Variants in PCDHGB6 observed in about 807,000 individuals in gnomAD.
The protein encoded by PCDHGB6 is protocadherin gamma-B6.
Under a neutral mutation model 59.1 loss-of-function variants are expected in PCDHGB6, and 51 were observed. The ratio of observed to expected loss-of-function variants is 0.86; its 90% confidence interval spans 0.69 to 1.09. The LOEUF (loss-of-function observed/expected upper bound fraction) is 1.09. Among genes scored for constraint, PCDHGB6 ranks in the 50% least tolerant of loss-of-function variants. PCDHGB6 has a pLI of 0.00. For synonymous variants in PCDHGB6, 466 were observed against 495.1 expected (o/e 0.94, Z 0.78); for missense variants, 1,148 against 1,205.1 (o/e 0.95, Z 0.70).
At chr5:141,450,835 T>TATTA (rs1438371595) in intron 1 of PCDHGB6, among the ~76,000 whole-genome samples, 1 of 142,096 alleles carries the variant, frequency 7.0e-6, no homozygotes, top group Admixed American at 6.9e-5. Context: ...TATTATTTTT[T>TATTA]TTTTTTTGAG....
At chr5:141,510,447 C>T (rs1270073364) in intron 3 of PCDHGB6, among the ~76,000 whole-genome samples, 1 of 152,026 alleles carries the variant, frequency 6.6e-6, no homozygotes, top group Non-Finnish European at 1.5e-5. Flanking sequence ...CTCCAGGAGC[C>T]CATGGTCTAG....
chr5:141,509,601 G>A (rs2099877534), intron 3 of PCDHGB6, among the ~76,000 whole-genome samples: 1 of 152,144 alleles, frequency 6.6e-6, no homozygotes, highest in Non-Finnish European at 1.5e-5. Flanking sequence ...ATTCCGAGAG[G>A]CTGCATTCTA....
chr5:141,483,530 GC>G (rs1384645281), intron 1 of PCDHGB6, among the ~76,000 whole-genome samples: 2 of 152,158 alleles, frequency 1.3e-5, no homozygotes, highest in African/African-American at 4.8e-5. Flanking sequence ...GACTAAGGAA[GC>G]TGGGTGGTTG....
At chr5:141,510,321 CA>C (rs1376271166) in intron 3 of PCDHGB6, among the ~76,000 whole-genome samples, 1 of 150,840 alleles carries the variant, frequency 6.6e-6, no homozygotes, top group Non-Finnish European at 1.5e-5. Context: ...CTTGGAAGAG[CA>C]CTCTTCACCC....
At position 141,486,243 on chromosome 5, in the gene PCDHGB6, G is replaced by A. The variant is rs754924567; in HGVS notation, c.2419-8564G>A. 18 of 1,614,156 alleles carry A rather than the reference G, an allele frequency of 1.1e-5. No individual in the cohort carries two copies. The highest frequency in any genetic ancestry group is 1.4e-5 in the Non-Finnish European group (16 of 1,180,018). ...TACATCACAGTGACCTCAGAGCTTG[G>A]AACCCTCCCCGAGAGTGCAGAACCT... On this transcript the variant is annotated intron_variant, in intron 1 of 3. Coordinates refer to ENST00000520790, the MANE Select transcript of PCDHGB6 (RefSeq NM_018926.3). This position sits in a 1 kb window ranked among gnomAD's most constrained non-coding sequence, Gnocchi z 5.0.
chr5:141,462,122 C>T (rs1437400069), intron 1 of PCDHGB6, among the ~76,000 whole-genome samples: 1 of 152,044 alleles, frequency 6.6e-6, no homozygotes, highest in South Asian at 2.1e-4. Context: ...TGCACCCAGT[C>T]CAATTTTTTG....
At chr5:141,421,967 T>C (rs760789458) in intron 1 of PCDHGB6, 2 of 1,611,174 alleles carry the variant, frequency 1.2e-6, no homozygotes, top group Admixed American at 3.4e-5. Flanking sequence ...ACACAGTCCG[T>C]ATATCGCGTG....
In PCDHGB6 at chr5:141,477,798, A is replaced by G; in HGVS notation, c.2419-17009A>G. On this transcript the variant is annotated intron_variant, in intron 1 of 3. Transcript: ENST00000520790. The surrounding 1 kb of genome is among the most constrained non-coding windows in gnomAD (Gnocchi z 4.9). ...GTGAACATATTTGTCACTGATCGCA[A>G]TGACAATGCCCCCCAGGTCCTATAT... The G allele has an allele frequency of 6.2e-7, 1 of 1,614,140 alleles. No homozygotes were observed. The highest frequency in any genetic ancestry group is 8.5e-7 in the Non-Finnish European group (1 of 1,180,038).
In PCDHGB6 at chr5:141,432,688, A is replaced by T; in HGVS notation, c.2418+22068A>T. 1 of 1,613,896 alleles carries T rather than the reference A, an allele frequency of 6.2e-7. No homozygotes were observed. The highest frequency in any genetic ancestry group is 1.1e-5 in the South Asian group (1 of 91,078). ...GAGACGCGCTCAAGCAGAGCCTCGTAGTGGCCGTCCAGGACCACGGCCAGC... is the reference window on the plus strand; with the variant it reads ...GAGACGCGCTCAAGCAGAGCCTCGTTGTGGCCGTCCAGGACCACGGCCAGC... On this transcript the variant is annotated intron_variant, in intron 1 of 3. Transcript: ENST00000520790. This position sits in a 1 kb window ranked among gnomAD's most constrained non-coding sequence, Gnocchi z 6.0.
Position 141,477,858 on chromosome 5 carries a change from C to T in PCDHGB6, c.2419-16949C>T. 2 of 1,613,572 alleles carry T rather than the reference C, an allele frequency of 1.2e-6. No individual in the cohort carries two copies. Among genetic ancestry groups the T allele is most frequent in the Non-Finnish European group, 1.7e-6 (2 of 1,179,842 alleles). ...GGTGGGAGCTCGGTGGAGATGCTGC[C>T]TCGAGGTACCTCAGCTGGCCACCTA... On this transcript the variant is annotated intron_variant, in intron 1 of 3. Transcript: ENST00000520790. This position sits in a 1 kb window ranked among gnomAD's most constrained non-coding sequence, Gnocchi z 4.9.
intron 1 of PCDHGB6, among the ~76,000 whole-genome samples, chr5:141,473,583 A>G (rs905824343): frequency 6.6e-6 from 1 of 152,226 alleles, no homozygotes; most frequent in Non-Finnish European, 1.5e-5. Flanking sequence ...CTAAGACCAG[A>G]CAGACCTGTA....
intron 1 of PCDHGB6, among the ~76,000 whole-genome samples, chr5:141,467,296 A>T (rs1032802325): frequency 1.3e-5 from 2 of 151,740 alleles, no homozygotes; most frequent in South Asian, 4.2e-4. Flanking sequence ...CAAGTGATCC[A>T]CTCACCTCGG....
intron 1 of PCDHGB6, chr5:141,441,104 T>C (rs1158565054): frequency 6.6e-6 from 1 of 152,204 alleles, no homozygotes; most frequent in Non-Finnish European, 1.5e-5. Flanking sequence ...GAGGGACTCA[T>C]TGTCCAGTGT....
At chr5:141,456,215 C>T (rs1465130067) in intron 1 of PCDHGB6, among the ~76,000 whole-genome samples, 2 of 152,048 alleles carry the variant, frequency 1.3e-5, no homozygotes, top group African/African-American at 2.4e-5. Flanking sequence ...CTCCCTGTGG[C>T]GATATCAAAC....
intron 1 of PCDHGB6, among the ~76,000 whole-genome samples, chr5:141,437,360 G>T (rs1432098876): frequency 6.6e-6 from 1 of 152,144 alleles, no homozygotes; most frequent in Non-Finnish European, 1.5e-5. Context: ...ACCTAAAATT[G>T]GAATGTAATC....
At position 141,477,966 on chromosome 5, in the gene PCDHGB6, G is replaced by T; in HGVS notation, c.2419-16841G>T. 1 of 1,614,118 alleles carries T rather than the reference G, an allele frequency of 6.2e-7. No individual in the cohort carries two copies. The highest frequency in any genetic ancestry group is 8.5e-7 in the Non-Finnish European group (1 of 1,180,036). On this transcript the variant is annotated intron_variant, in intron 1 of 3. Coordinates refer to ENST00000520790, the MANE Select transcript of PCDHGB6 (RefSeq NM_018926.3). This position sits in a 1 kb window ranked among gnomAD's most constrained non-coding sequence, Gnocchi z 4.9. ...AGTCTCTTGGGATCCCCTAACCAGA[G>T]CCTTTTTGCCATAGGGCTGCACACT...
In PCDHGB6 at chr5:141,426,319, C is replaced by A. The variant is rs572457971; in HGVS notation, c.2418+15699C>A. On this transcript the variant is annotated intron_variant, in intron 1 of 3. Coordinates refer to ENST00000520790, the MANE Select transcript of PCDHGB6 (RefSeq NM_018926.3). ...CAGGGTGAAGCAGAGAAGCAGGACC[C>A]GGCAGTGGCAAGCACTCTTCCCTTT... 9 of 175,482 alleles carry A rather than the reference C, an allele frequency of 5.1e-5. No homozygotes were observed. In the East Asian group the frequency reaches 6.8e-4, roughly 13 times the overall value. The allele number at this position is 175,482 out of a possible 1,614,324, so 10.9% of individuals were successfully genotyped here.
chr5:141,440,905 C>A (rs986711694), intron 1 of PCDHGB6: 1 of 152,184 alleles, frequency 6.6e-6, no homozygotes, highest in East Asian at 1.9e-4. Context: ...TGCATCCGGG[C>A]ACTCCTGTGC....
chr5:141,414,302 A>G (rs2095732200), intron 1 of PCDHGB6: 3 of 1,613,678 alleles, frequency 1.9e-6, no homozygotes, highest in Non-Finnish European at 2.5e-6. Flanking sequence ...TTAAATGTGC[A>G]TGATTTAGAC....
Sources: allele counts gnomAD v4.1 joint callset (sites outside exome capture counted in the v4.1 genomes callset), GRCh38; gene constraint gnomAD v4.1.1; non-coding constraint Gnocchi (gnomAD v3.1); transcripts MANE v1.5; gene names NCBI Gene and HGNC (gene_info 2026-07-23, HGNC 2026-07-21).